DCDC2: variants seen among roughly 807,000 people sequenced by gnomAD.
DCDC2 encodes the protein doublecortin domain containing 2.
DCDC2 carries 40 observed loss-of-function variants against 50.2 expected under a neutral mutation model. The ratio of observed to expected loss-of-function variants is 0.80; its 90% CI spans 0.62 to 1.04. The LOEUF (loss-of-function observed/expected upper bound fraction) is 1.04, where lower values mean the gene tolerates loss of function less well. Ranked by LOEUF, DCDC2 falls within the 50% of genes least tolerant of loss-of-function variation. DCDC2 has a pLI of 0.00. For synonymous variants in DCDC2, 234 were observed against 210.6 expected (o/e 1.11, Z -0.96); for missense variants, 570 against 581.9 (o/e 0.98, Z 0.21).
the DCDC2 span, among the ~76,000 whole-genome samples, chr6:24,381,816 A>AAGGAAGGT: frequency 9.2e-6 from 1 of 109,188 alleles, no homozygotes; most frequent in South Asian, 3.6e-4. Flanking sequence ...GGAAGGAAGG[A>AAGGAAGGT]AGGAAGGAAG....
intron 6 of DCDC2, among the ~76,000 whole-genome samples, chr6:24,286,660 G>A (rs74367137): frequency 0.024 from 3,574 of 151,302 alleles, 117 homozygotes; most frequent in African/African-American, 0.08. Context: ...CCTCAGCTCT[G>A]CCATTTACAA....
chr6:24,242,910 C>T (rs1466895727), intron 7 of DCDC2, among the ~76,000 whole-genome samples: 1 of 151,732 alleles, frequency 6.6e-6, no homozygotes, highest in African/African-American at 2.4e-5. Context: ...TGCAGTGAGC[C>T]GAGATCATGC....
intron 9 of DCDC2, among the ~76,000 whole-genome samples, chr6:24,176,071 T>C (rs143930971): frequency 2.1e-3 from 319 of 152,068 alleles, no homozygotes; most frequent in Middle Eastern, 0.017. Context: ...GGCAAGAGGA[T>C]CGCTTGAGTC....
chr6:24,218,191 C>A (rs1581592908), intron 7 of DCDC2, among the ~76,000 whole-genome samples: 1 of 151,976 alleles, frequency 6.6e-6, no homozygotes, highest in African/African-American at 2.4e-5. Context: ...AATATCAAAT[C>A]AATGGGAAAA....
intron 7 of DCDC2, among the ~76,000 whole-genome samples, chr6:24,225,564 C>T (rs527486245): frequency 2.6e-5 from 4 of 152,280 alleles, no homozygotes; most frequent in Non-Finnish European, 5.9e-5. Context: ...AACCATCTCC[C>T]CTTCCTAAGC....
At chr6:24,205,513 T>G (rs879527890) in intron 7 of DCDC2, among the ~76,000 whole-genome samples, 1 of 152,218 alleles carries the variant, frequency 6.6e-6, no homozygotes, top group Non-Finnish European at 1.5e-5. Context: ...CCCAAGAGAA[T>G]GCTATGCATT....
At chr6:24,330,709 G>A (rs542623870) in intron 2 of DCDC2, among the ~76,000 whole-genome samples, 7 of 152,170 alleles carry the variant, frequency 4.6e-5, no homozygotes, top group Non-Finnish European at 1.5e-5. Flanking sequence ...GAAAGAGTGG[G>A]CAGCCATAGC....
At chr6:24,277,203 C>G (rs999087135) in intron 7 of DCDC2, among the ~76,000 whole-genome samples, 1 of 147,002 alleles carries the variant, frequency 6.8e-6, no homozygotes, top group African/African-American at 2.4e-5. Flanking sequence ...AAGGCTTTGC[C>G]CATTAATCTG....
At chr6:24,210,019 G>GGGGTGTGTGTGT (rs1360438467) in intron 7 of DCDC2, among the ~76,000 whole-genome samples, 1 of 145,280 alleles carries the variant, frequency 6.9e-6, no homozygotes, top group Non-Finnish European at 1.5e-5. Context: ...GCAGTATCAG[G>GGGGTGTGTGTGT]GTGTGTGTGT....
At position 24,291,040 on chromosome 6, in the gene DCDC2, G is replaced by C. The variant is rs960117604; in HGVS notation, c.596C>G (p.Ala199Gly). Reference protein sequence around the residue: ...TLEGKLVESGAELENGQFYVA... With the variant: ...TLEGKLVESGGELENGQFYVA... ...ATAAAACTGCCCATTCTCCAACTCT[G>C]CTCCACTCTCAACAAGTTTTCCTTC... Residue 199 changes from alanine (A) to glycine (G), a missense_variant, in exon 5 of 10, where the codon GCA becomes GGA. Ala to Gly is a moderately conservative substitution (Grantham distance 60). Transcript: ENST00000378454. 2 of 1,613,682 alleles carry C rather than the reference G, an allele frequency of 1.2e-6. No homozygotes were observed. The highest frequency in any genetic ancestry group is 1.7e-6 in the Non-Finnish European group (2 of 1,179,886).
intron 7 of DCDC2, among the ~76,000 whole-genome samples, chr6:24,263,018 C>T (rs1018720654): frequency 3.3e-5 from 5 of 152,170 alleles, no homozygotes; most frequent in African/African-American, 4.8e-5. Context: ...CCAGGGAGCT[C>T]AGTATGGAGA....
intron 2 of DCDC2, among the ~76,000 whole-genome samples, chr6:24,309,281 C>T (rs1354497116): frequency 3.4e-5 from 5 of 145,880 alleles, no homozygotes; most frequent in Non-Finnish European, 7.5e-5. Context: ...GACGAGATCA[C>T]GCCATTGCAC....
At chr6:24,327,832 T>A (rs1759901703) in intron 2 of DCDC2, among the ~76,000 whole-genome samples, 1 of 152,160 alleles carries the variant, frequency 6.6e-6, no homozygotes. Flanking sequence ...ATGAATATTC[T>A]TTAAATAAAA....
intron 7 of DCDC2, among the ~76,000 whole-genome samples, chr6:24,210,111 C>T (rs1261617308): frequency 6.6e-6 from 1 of 150,806 alleles, no homozygotes; most frequent in African/African-American, 2.5e-5. Context: ...CCTGGTTTTA[C>T]CAGAAGTTTC....
intron 2 of DCDC2, among the ~76,000 whole-genome samples, chr6:24,325,952 C>A (rs1167899276): frequency 6.7e-6 from 1 of 149,094 alleles, no homozygotes; most frequent in Non-Finnish European, 1.5e-5. Context: ...TATTTCAGTT[C>A]TTCCTTCCCC....
intron 7 of DCDC2, among the ~76,000 whole-genome samples, chr6:24,207,221 C>T (rs1246191213): frequency 6.6e-6 from 1 of 150,572 alleles, no homozygotes; most frequent in Non-Finnish European, 1.5e-5. Flanking sequence ...AATATTTTGA[C>T]AATTCTTTCC....
Position 24,278,061 on chromosome 6 carries a change from T to C in DCDC2, c.910A>G (p.Ile304Val), listed in dbSNP as rs764471894. The C allele has an allele frequency of 3.1e-6, 5 of 1,610,020 alleles. No homozygotes were observed. The highest frequency in any genetic ancestry group is 1.1e-5 in the South Asian group (1 of 90,496). The change falls in exon 7 of 10, where the codon ATT (isoleucine) becomes GTT (valine). Residue 304 changes from isoleucine to valine, a missense_variant. Ile to Val is a conservative substitution (Grantham distance 29). Coordinates refer to ENST00000378454, the MANE Select transcript of DCDC2 (RefSeq NM_016356.5). Reference protein sequence around the residue: ...NVKLKNSQETIPNSDEGIFKA... With the variant: ...NVKLKNSQETVPNSDEGIFKA... ...ATAACACACTTACCACTATTTGGAA[T>C]GGTTTCTTGTGAATTCTTTAATTTT...
chr6:24,243,616 G>A (rs1762610759), intron 7 of DCDC2, among the ~76,000 whole-genome samples: 1 of 152,172 alleles, frequency 6.6e-6, no homozygotes, highest in African/African-American at 2.4e-5. Context: ...CTTCAGGATG[G>A]CAGCTTATAT....
Position 24,178,445 on chromosome 6 carries a change from A to T in DCDC2, c.1211T>A (p.Val404Glu). Residue 404 changes from valine to glutamate, a missense_variant, in exon 9 of 10, where the codon GTA becomes GAA. Transcript: ENST00000378454. Reference protein sequence around the residue: ...HSEQQARPARVNGGTDEENGE... With the variant: ...HSEQQARPARENGGTDEENGE... ...ATTCTCCTCATCGGTGCCTCCATTT[A>T]CACGAGCAGGGCGTGCCTGCTGCTC... The T allele has an allele frequency of 6.2e-7, 1 of 1,614,164 alleles. No homozygotes were observed. Among genetic ancestry groups the T allele is most frequent in the Non-Finnish European group, 8.5e-7 (1 of 1,180,028 alleles).
Sources: gnomAD v4.1 joint callset for allele counts (sites outside exome capture counted in the v4.1 genomes callset) on GRCh38, gnomAD v4.1.1 for gene constraint, MANE v1.5 for transcripts, NCBI Gene and HGNC (gene_info 2026-07-23, HGNC 2026-07-21) for gene names.